The following WDFY3 variants were observed in gnomAD, a reference collection of about 807,000 sequenced individuals.
The protein encoded by WDFY3 is WD repeat and FYVE domain containing 3, also known as WD repeat and FYVE domain-containing protein 3.
Under a neutral mutation model 409.6 loss-of-function variants are expected in WDFY3, and 66 were observed. That is an observed-to-expected ratio of 0.16 (90% CI 0.13 to 0.20). WDFY3 has a LOEUF of 0.20. Among genes scored for constraint, WDFY3 ranks in the 10% least tolerant of loss-of-function variants. WDFY3 has a pLI of 1.00. For missense variants in WDFY3, 3,031 were observed against 4,298.1 expected (o/e 0.71, Z 8.24); for synonymous variants, 1,521 against 1,537.1 (o/e 0.99, Z 0.25).
intron 10 of WDFY3, among the ~76,000 whole-genome samples, chr4:84,824,947 G>A (rs1219392660): frequency 2.0e-5 from 3 of 152,106 alleles, no homozygotes; most frequent in Admixed American, 6.6e-5. Context: ...TTTTTCTGAA[G>A]AAGAAACTGA....
chr4:84,722,227 A>C (rs1352363433), intron 46 of WDFY3, among the ~76,000 whole-genome samples: 2 of 152,070 alleles, frequency 1.3e-5, no homozygotes, highest in Admixed American at 1.3e-4. Context: ...GTCTCTACTA[A>C]AAATACAAAA....
chr4:84,837,198 T>A, intron 6 of WDFY3, 108 bp from the exon 7 acceptor site: 1 of 932,094 alleles, frequency 1.1e-6, no homozygotes, highest in Non-Finnish European at 1.4e-6. Flanking sequence ...GGTAACTTTT[T>A]AAAATGCATG....
chr4:84,937,928 G>A (rs1393205770), intron 1 of WDFY3, among the ~76,000 whole-genome samples: 1 of 152,078 alleles, frequency 6.6e-6, no homozygotes, highest in Non-Finnish European at 1.5e-5. Flanking sequence ...AAGACCCCCA[G>A]TACATTTTTC....
At chr4:84,763,446 T>G (rs562209857) in intron 32 of WDFY3, among the ~76,000 whole-genome samples, 1 of 152,148 alleles carries the variant, frequency 6.6e-6, no homozygotes, top group South Asian at 2.1e-4. Context: ...GCTTAAAACC[T>G]AGATGACGGG....
rs376444056 is a variant in WDFY3, at chr4:84,733,628, G to A, written c.6994-19C>T. On this transcript the variant is annotated intron_variant, in intron 43 of 67. Coordinates refer to ENST00000295888, the MANE Select transcript of WDFY3 (RefSeq NM_014991.6). ...GCTGACGCTGACAGGAAAGAGTCCA[G>A]GTCGGTTTTCAAGCAAAAGCAGGAG... 8.2e-6 allele frequency: 13 copies of A among 1,584,166 alleles called. No individual in the cohort carries two copies. The African/African-American group carries it at 1.6e-4, about 20-fold the overall frequency.
intron 51 of WDFY3, among the ~76,000 whole-genome samples, chr4:84,710,197 T>G (rs1560573072): frequency 6.6e-6 from 1 of 152,176 alleles, no homozygotes; most frequent in East Asian, 1.9e-4. Context: ...CTTTCTAATT[T>G]TTACTATAAT....
chr4:84,944,078 G>A (rs1387448570), intron 1 of WDFY3, among the ~76,000 whole-genome samples: 1 of 152,182 alleles, frequency 6.6e-6, no homozygotes, highest in African/African-American at 2.4e-5. Flanking sequence ...ACTAACTCGT[G>A]TAATGATTTT....
At chr4:84,934,547 T>C (rs1579193474) in intron 1 of WDFY3, among the ~76,000 whole-genome samples, 1 of 152,146 alleles carries the variant, frequency 6.6e-6, no homozygotes, top group Non-Finnish European at 1.5e-5. Context: ...AAGATAATTC[T>C]AGTGAAATAC....
In WDFY3 at chr4:84,690,613, T is replaced by C. The variant is rs764910573; in HGVS notation, c.9256A>G (p.Ile3086Val). 1 of 1,614,162 alleles carries C rather than the reference T, an allele frequency of 6.2e-7. No individual in the cohort carries two copies. Among genetic ancestry groups the C allele is most frequent in the Non-Finnish European group, 8.5e-7 (1 of 1,180,030 alleles). ...LSEWGQILCA[I>V]CPNPKLVITG... ...ATGACCAGCTTGGGGTTGGGGCAGA[T>C]TGCACAGAGAATCTGGCCCCACTCA... The change falls in exon 61 of 68, where the codon ATC (isoleucine) becomes GTC (valine). Residue 3086 changes from isoleucine to valine, a missense_variant. Transcript: ENST00000295888.
At chr4:84,808,860 T>TG (rs1251229757) in intron 14 of WDFY3, 1 of 152,312 alleles carries the variant, frequency 6.6e-6, no homozygotes, top group Non-Finnish European at 1.5e-5. Flanking sequence ...AATGATTTTT[T>TG]TTTTTACAAT....
At position 84,946,539 on chromosome 4, in the gene WDFY3, A is replaced by G. The variant is rs566275574; in HGVS notation, c.-225-14176T>C. 5.9e-5 allele frequency among the ~76,000 whole-genome samples: 9 copies of G among 152,214 alleles called. No individual in the cohort carries two copies. In the South Asian group the frequency reaches 1.9e-3, roughly 32 times the overall value. ...TTTTTGCTTTTCTCCCACTGGAAAA[A>G]CTGCATCAATACATGGGATAGCAGG... is the stretch of plus-strand genomic sequence containing the variant. On this transcript the variant is annotated intron_variant, in intron 1 of 67. Coordinates refer to ENST00000295888, the MANE Select transcript of WDFY3 (RefSeq NM_014991.6).
In WDFY3 at chr4:84,669,993, TAC is replaced by T. The variant is rs1381582130; in HGVS notation, c.*2873_*2874del. 2 of 152,670 alleles carry T rather than the reference TAC, an allele frequency of 1.3e-5. No individual in the cohort carries two copies. Among genetic ancestry groups the T allele is most frequent in the Non-Finnish European group, 2.9e-5 (2 of 68,040 alleles). 9.5% of individuals were successfully genotyped at this position (152,670 alleles called of 1,614,324 possible). ...CAGTTTTAACGGCATAAATATTTTA[TAC>T]ACAGTTCATTTACCAAAACAAAATG... On this transcript the variant is annotated 3_prime_UTR_variant, in exon 68 of 68. Transcript: ENST00000295888.
rs995864761 is a variant in WDFY3, at chr4:84,669,842, T to C, written c.*3026A>G. 6.6e-6 allele frequency: 1 copy of C among 152,106 alleles called. No homozygotes were observed. The highest frequency in any genetic ancestry group is 1.5e-5 in the Non-Finnish European group (1 of 67,978). 9.4% of individuals were successfully genotyped at this position (152,106 alleles called of 1,614,324 possible). On this transcript the variant is annotated 3_prime_UTR_variant, in exon 68 of 68. Coordinates refer to ENST00000295888, the MANE Select transcript of WDFY3 (RefSeq NM_014991.6). The stretch of plus-strand genomic sequence containing the variant: ...CTGTTGCTGTACAAATAATTGGCCA[T>C]TACTAGGGCTTACAAGTTAATAACA...
At chr4:84,932,908 T>C (rs1255906817) in intron 1 of WDFY3, among the ~76,000 whole-genome samples, 1 of 152,206 alleles carries the variant, frequency 6.6e-6, no homozygotes, top group African/African-American at 2.4e-5. Flanking sequence ...TTATACAGGA[T>C]ATATAAATGT....
chr4:84,686,149 CA>C (rs923285916), intron 62 of WDFY3, among the ~76,000 whole-genome samples: 2 of 151,918 alleles, frequency 1.3e-5, no homozygotes, highest in East Asian at 1.9e-4. Flanking sequence ...ACTAAAAATA[CA>C]AAAAAATCAG....
intron 1 of WDFY3, among the ~76,000 whole-genome samples, chr4:84,945,649 T>C (rs12510410): frequency 0.39 from 58,505 of 151,892 alleles, 11,544 homozygotes; most frequent in Admixed American, 0.47. Flanking sequence ...TGCTGTCCTA[T>C]AGTACATAAA....
intron 1 of WDFY3, among the ~76,000 whole-genome samples, chr4:84,956,561 T>C (rs1405205062): frequency 6.6e-6 from 1 of 152,198 alleles, no homozygotes; most frequent in Non-Finnish European, 1.5e-5. Context: ...CACAAAAGAA[T>C]CAAACAACTG....
At chr4:84,704,155 A>C (rs1218320365) in intron 55 of WDFY3, among the ~76,000 whole-genome samples, 183 bp downstream of exon 55, 1 of 152,224 alleles carries the variant, frequency 6.6e-6, no homozygotes, top group Admixed American at 6.5e-5. Context: ...TATTTGTTCT[A>C]AGCGAATTCT....
chr4:84,934,179 C>A (rs1771121399), intron 1 of WDFY3, among the ~76,000 whole-genome samples: 1 of 152,070 alleles, frequency 6.6e-6, no homozygotes, highest in Non-Finnish European at 1.5e-5. Context: ...TCCTTGTCAG[C>A]ATTTGTTATT....
Sources: allele counts gnomAD v4.1 joint callset (sites outside exome capture counted in the v4.1 genomes callset), GRCh38; gene constraint gnomAD v4.1.1; transcripts MANE v1.5; gene names NCBI Gene and HGNC (gene_info 2026-07-23, HGNC 2026-07-21).